The following KIAA1217 variants were observed in gnomAD, a reference collection of about 807,000 sequenced individuals.
KIAA1217 encodes the protein KIAA1217, also known as sickle tail protein homolog.
Under a neutral mutation model 163.9 loss-of-function variants are expected in KIAA1217, and 88 were observed. The ratio of observed to expected loss-of-function variants is 0.54; its 90% confidence interval spans 0.45 to 0.64. KIAA1217 has a LOEUF of 0.64. Among genes scored for constraint, KIAA1217 ranks in the 30% least tolerant of loss-of-function variants. KIAA1217 has a pLI of 0.00. For synonymous variants in KIAA1217, 903 were observed against 923.1 expected (o/e 0.98, Z 0.39); for missense variants, 2,372 against 2,475.0 (o/e 0.96, Z 0.88).
At chr10:24,487,098 C>T (rs1288964366) in intron 6 of KIAA1217, among the ~76,000 whole-genome samples, 1 of 152,256 alleles carries the variant, frequency 6.6e-6, no homozygotes, top group Non-Finnish European at 1.5e-5. Flanking sequence ...CCCTGGAACC[C>T]TGCTCAGAAC....
At position 24,046,522 on chromosome 10, in the gene KIAA1217, C is replaced by T. The variant is rs192582831; in HGVS notation, c.-171+39148C>T. Among the ~76,000 whole-genome samples the T allele has an allele frequency of 3.0e-3, 450 of 152,006 alleles. 3 individuals carry two copies. Among genetic ancestry groups the T allele is most frequent in the Non-Finnish European group, 4.6e-3 (316 of 67,970 alleles). The stretch of plus-strand genomic sequence containing the variant: ...GGAAACTTACAGTCATGGCGGAAGA[C>T]GAAGGAGAAACAAGCACATCTTACC... On this transcript the variant is annotated intron_variant, in intron 2 of 18. Transcript: ENST00000376462.
At chr10:24,406,286 C>A (rs1181114766) in intron 3 of KIAA1217, among the ~76,000 whole-genome samples, 1 of 152,080 alleles carries the variant, frequency 6.6e-6, no homozygotes, top group African/African-American at 2.4e-5. Flanking sequence ...TTTTGAAGAT[C>A]AAAGAAAACC....
At chr10:24,424,295 C>A (rs2059006210) in intron 3 of KIAA1217, among the ~76,000 whole-genome samples, 1 of 152,082 alleles carries the variant, frequency 6.6e-6, no homozygotes, top group African/African-American at 2.4e-5. Flanking sequence ...TTGTTCAAAT[C>A]GCTGCTGTGT....
intron 1 of KIAA1217, among the ~76,000 whole-genome samples, chr10:23,830,951 A>G (rs1280940798): frequency 6.6e-6 from 1 of 152,080 alleles, no homozygotes; most frequent in African/African-American, 2.4e-5. Context: ...GCCCACAGGT[A>G]TTGAGTATGA....
chr10:24,115,980 T>C (rs2063036095), intron 2 of KIAA1217, among the ~76,000 whole-genome samples: 1 of 152,134 alleles, frequency 6.6e-6, no homozygotes, highest in South Asian at 2.1e-4. Flanking sequence ...TAACTAATCT[T>C]TGTTATTTTG....
At chr10:24,072,847 C>G (rs999818542) in intron 2 of KIAA1217, among the ~76,000 whole-genome samples, 4 of 151,916 alleles carry the variant, frequency 2.6e-5, no homozygotes, top group African/African-American at 9.7e-5. Context: ...TAAAGCCTGT[C>G]AGAAAGAAGG....
In KIAA1217 at chr10:23,997,378, T is replaced by C. The variant is rs186882770; in HGVS notation, c.-320-9847T>C. Among the ~76,000 whole-genome samples the C allele has an allele frequency of 2.0e-3, 311 of 152,344 alleles. 2 individuals carry two copies. Among genetic ancestry groups the C allele is most frequent in the Non-Finnish European group, 3.7e-4 (25 of 68,032 alleles). On this transcript the variant is annotated intron_variant, in intron 1 of 18. Coordinates refer to the KIAA1217 transcript ENST00000376462. Reference sequence around the variant, plus strand: ...AATTTTTTAATTGCTTGGGTCCATGTTCAATAAAGAGCTTCGCTAATCATT... The same window carrying C: ...AATTTTTTAATTGCTTGGGTCCATGCTCAATAAAGAGCTTCGCTAATCATT...
intron 2 of KIAA1217, among the ~76,000 whole-genome samples, chr10:24,123,570 A>G (rs2063363158): frequency 6.6e-6 from 1 of 152,172 alleles, no homozygotes; most frequent in Admixed American, 6.6e-5. Flanking sequence ...TTGCTCTACA[A>G]ACTATACTGC....
intron 2 of KIAA1217, among the ~76,000 whole-genome samples, chr10:24,010,725 T>C (rs1589230205): frequency 6.7e-6 from 1 of 149,312 alleles, no homozygotes; most frequent in East Asian, 2.0e-4. Context: ...TTAAAACCAG[T>C]GGAGTTAGAA....
At chr10:24,227,437 G>T (rs2070741406) in intron 2 of KIAA1217, among the ~76,000 whole-genome samples, 1 of 152,020 alleles carries the variant, frequency 6.6e-6, no homozygotes. Context: ...GGGATTACAG[G>T]TGTGAGCCAC....
intron 2 of KIAA1217, among the ~76,000 whole-genome samples, chr10:24,271,801 T>C (rs980848142): frequency 2.0e-5 from 3 of 151,942 alleles, no homozygotes; most frequent in African/African-American, 7.3e-5. Flanking sequence ...CGCAGGCCTT[T>C]TAATAAACTT....
chr10:23,980,551 T>A (rs1206623152), intron 1 of KIAA1217, among the ~76,000 whole-genome samples: 1 of 152,016 alleles, frequency 6.6e-6, no homozygotes. Flanking sequence ...GGGTTTTGTG[T>A]GGAAAGGGTA....
intron 2 of KIAA1217, among the ~76,000 whole-genome samples, chr10:24,221,636 G>C (rs1258960056): frequency 2.0e-5 from 3 of 152,144 alleles, no homozygotes; most frequent in Non-Finnish European, 4.4e-5. Flanking sequence ...TGGACTTCAT[G>C]TTTGCTTTTT....
chr10:24,169,959 A>G (rs1035298654), intron 2 of KIAA1217, among the ~76,000 whole-genome samples: 8 of 152,240 alleles, frequency 5.3e-5, no homozygotes, highest in African/African-American at 1.7e-4. Flanking sequence ...GTATTCAAAA[A>G]GCTTTAAGGG....
At chr10:24,125,620 C>T (rs2063446765) in intron 2 of KIAA1217, among the ~76,000 whole-genome samples, 2 of 152,006 alleles carry the variant, frequency 1.3e-5, no homozygotes, top group African/African-American at 4.8e-5. Context: ...TCACAATGCA[C>T]TCCAGTTTTT....
chr10:23,818,119 A>G (rs1169319135), intron 1 of KIAA1217, among the ~76,000 whole-genome samples: 1 of 142,344 alleles, frequency 7.0e-6, no homozygotes, highest in African/African-American at 2.6e-5. Context: ...ACATATATAT[A>G]TATACTCACA....
At chr10:24,314,315 T>G (rs190107580) in intron 2 of KIAA1217, among the ~76,000 whole-genome samples, 7 of 152,284 alleles carry the variant, frequency 4.6e-5, no homozygotes, top group Admixed American at 3.3e-4. Context: ...TGCCTAAAAT[T>G]TAAGCATCTT....
intron 1 of KIAA1217, among the ~76,000 whole-genome samples, chr10:23,943,804 T>A (rs542394120): frequency 1.3e-5 from 2 of 152,312 alleles, no homozygotes; most frequent in South Asian, 4.1e-4. Context: ...GTCAATTGAT[T>A]TTTTTACCAA....
intron 2 of KIAA1217, among the ~76,000 whole-genome samples, chr10:24,314,632 TATCTGTG>T (rs2043122259): frequency 6.6e-6 from 1 of 152,196 alleles, no homozygotes; most frequent in Non-Finnish European, 1.5e-5. Context: ...AATCTAATGG[TATCTGTG>T]ATCTGCAAAA....
Sources: allele counts gnomAD v4.1 joint callset (sites outside exome capture counted in the v4.1 genomes callset), GRCh38; gene constraint gnomAD v4.1.1; transcripts MANE v1.5; gene names NCBI Gene and HGNC (gene_info 2026-07-23, HGNC 2026-07-21).